NGLY1: variants seen among roughly 807,000 people sequenced by gnomAD.
The protein encoded by NGLY1 is N-glycanase 1.
In NGLY1, 68 loss-of-function variants were observed where a neutral mutation model predicts 84.6. The observed-to-expected ratio is 0.80, with a 90% CI of 0.66 to 0.98. The LOEUF (loss-of-function observed/expected upper bound fraction) is 0.98, where lower values mean the gene tolerates loss of function less well. Among genes scored for constraint, NGLY1 ranks in the 50% least tolerant of loss-of-function variants. The pLI, the probability that NGLY1 is intolerant of heterozygous loss-of-function variation, is 0.00. For synonymous variants in NGLY1, 280 were observed against 275.2 expected (o/e 1.02, Z -0.17); for missense variants, 779 against 770.2 (o/e 1.01, Z -0.14).
At chr3:25,767,346 T>C (rs1707636393) in intron 2 of NGLY1, among the ~76,000 whole-genome samples, 1 of 151,974 alleles carries the variant, frequency 6.6e-6, no homozygotes, top group Admixed American at 6.6e-5. Flanking sequence ...AATTTGTTTC[T>C]CAAGGCATTT....
At chr3:25,761,039 AC>A (rs1707301849) in intron 3 of NGLY1, among the ~76,000 whole-genome samples, 3 of 152,132 alleles carry the variant, frequency 2.0e-5, no homozygotes, top group Non-Finnish European at 4.4e-5. Context: ...ATAATATATG[AC>A]TTTTATAATT....
intron 9 of NGLY1, chr3:25,730,066 G>A (rs1446060611): frequency 6.6e-6 from 1 of 151,952 alleles, no homozygotes; most frequent in Admixed American, 6.6e-5. Context: ...CAGCTGAGAG[G>A]TATAGCATGA....
chr3:25,765,942 G>T (rs1475664603), intron 2 of NGLY1, among the ~76,000 whole-genome samples: 1 of 151,734 alleles, frequency 6.6e-6, no homozygotes, highest in African/African-American at 2.4e-5. Context: ...TTTTGCCCAG[G>T]CTGGTCTCAA....
chr3:25,763,559 G>C (rs947631216), intron 3 of NGLY1, among the ~76,000 whole-genome samples: 2 of 152,270 alleles, frequency 1.3e-5, no homozygotes, highest in South Asian at 2.1e-4. Flanking sequence ...TTTTCTGACA[G>C]TAAAAACTTA....
chr3:25,749,121 T>A (rs1249867269), intron 4 of NGLY1, among the ~76,000 whole-genome samples: 3 of 152,186 alleles, frequency 2.0e-5, no homozygotes, highest in Non-Finnish European at 2.9e-5. Flanking sequence ...CAGGGGAAAT[T>A]AGAACACTTG....
intron 10 of NGLY1, among the ~76,000 whole-genome samples, chr3:25,723,895 ATAC>A (rs1272666116): frequency 6.6e-6 from 1 of 152,160 alleles, no homozygotes; most frequent in Non-Finnish European, 1.5e-5. Flanking sequence ...TATTCTATAT[ATAC>A]CACCCAACCC....
intron 9 of NGLY1, among the ~76,000 whole-genome samples, chr3:25,731,346 T>C (rs1186402325): frequency 2.6e-5 from 4 of 151,998 alleles, no homozygotes; most frequent in Non-Finnish European, 5.9e-5. Context: ...ATCCAAAAGT[T>C]TAAAGAACAG....
At chr3:25,789,543 T>C (rs1708676622) in intron 1 of NGLY1, among the ~76,000 whole-genome samples, 1 of 152,190 alleles carries the variant, frequency 6.6e-6, no homozygotes, top group South Asian at 2.1e-4. Context: ...TGTAACTATG[T>C]CTCCTAACAA....
intron 8 of NGLY1, among the ~76,000 whole-genome samples, chr3:25,733,007 G>C (rs1280549321): frequency 6.6e-6 from 1 of 152,202 alleles, no homozygotes; most frequent in African/African-American, 2.4e-5. Flanking sequence ...CATGAGAAGA[G>C]GCTGAGAAGC....
chr3:25,773,516 T>A (rs1708000715), intron 2 of NGLY1, among the ~76,000 whole-genome samples: 1 of 152,196 alleles, frequency 6.6e-6, no homozygotes, highest in Admixed American at 6.5e-5. Context: ...CTGGAGATTT[T>A]TTTTCATCCA....
At chr3:25,766,310 G>A (rs566827846) in intron 2 of NGLY1, among the ~76,000 whole-genome samples, 229 of 152,056 alleles carry the variant, frequency 1.5e-3, no homozygotes, top group African/African-American at 5.2e-3. Context: ...CAGGTGATCC[G>A]CCCACCACAG....
chr3:25,744,280 C>G (rs1706307996), intron 4 of NGLY1, among the ~76,000 whole-genome samples: 1 of 152,164 alleles, frequency 6.6e-6, no homozygotes, highest in Non-Finnish European at 1.5e-5. Context: ...AAAATGGGTT[C>G]TTCCTCCTCC....
At chr3:25,762,544 A>T (rs927332567) in intron 3 of NGLY1, among the ~76,000 whole-genome samples, 8 of 152,184 alleles carry the variant, frequency 5.3e-5, no homozygotes, top group Non-Finnish European at 8.8e-5. Context: ...CTTCTACACT[A>T]GAATGTGTTT....
At chr3:25,728,182 T>A (rs1324129624) in intron 10 of NGLY1, among the ~76,000 whole-genome samples, 1 of 152,110 alleles carries the variant, frequency 6.6e-6, no homozygotes, top group East Asian at 1.9e-4. Flanking sequence ...CAAGATAAGT[T>A]TTTGAACAAA....
chr3:25,747,350 C>T (rs148159663), intron 4 of NGLY1, among the ~76,000 whole-genome samples: 3 of 152,198 alleles, frequency 2.0e-5, no homozygotes, highest in Non-Finnish European at 4.4e-5. Flanking sequence ...TCTTATTGTA[C>T]ACACAGGAAA....
At chr3:25,767,973 C>T (rs980073672) in intron 2 of NGLY1, among the ~76,000 whole-genome samples, 4 of 151,122 alleles carry the variant, frequency 2.6e-5, no homozygotes, top group Admixed American at 6.6e-5. Context: ...ATTAGCTGGG[C>T]GTGGTGGCAG....
At chr3:25,743,673 T>C (rs1157799343) in intron 4 of NGLY1, among the ~76,000 whole-genome samples, 2 of 152,126 alleles carry the variant, frequency 1.3e-5, no homozygotes, top group Admixed American at 6.6e-5. Flanking sequence ...AGATGCTTAA[T>C]AAATATTTGA....
At chr3:25,741,506 G>T (rs528136420) in intron 4 of NGLY1, among the ~76,000 whole-genome samples, 114 of 151,800 alleles carry the variant, frequency 7.5e-4, no homozygotes, top group Non-Finnish European at 6.6e-4. Flanking sequence ...TAAAATAATA[G>T]AAGTTTATAG....
chr3:25,749,852 G>T, intron 4 of NGLY1: 3 of 971,746 alleles, frequency 3.1e-6, no homozygotes, highest in Non-Finnish European at 3.3e-6. Context: ...GGCCATCAGA[G>T]TCACCAACCC....
Sources: gnomAD v4.1 joint callset for allele counts (sites outside exome capture counted in the v4.1 genomes callset) on GRCh38, gnomAD v4.1.1 for gene constraint, MANE v1.5 for transcripts, NCBI Gene and HGNC (gene_info 2026-07-23, HGNC 2026-07-21) for gene names.